The following TOP6BL variants were observed in gnomAD, a reference collection of about 807,000 sequenced individuals.
The protein encoded by TOP6BL is TOP6B like initiator of meiotic double strand breaks, also known as type 2 DNA topoisomerase 6 subunit B-like.
At chr11:66,771,930 G>C in the TOP6BL span, among the ~76,000 whole-genome samples, 16 of 152,230 alleles carry the variant, frequency 1.1e-4, no homozygotes, top group East Asian at 2.3e-3. Flanking sequence ...AACTTTTAAG[G>C]CTTATTATTT....
At chr11:66,760,915 C>T in the TOP6BL span, among the ~76,000 whole-genome samples, 7 of 151,046 alleles carry the variant, frequency 4.6e-5, no homozygotes, top group African/African-American at 9.7e-5. Flanking sequence ...AAATTTTCTT[C>T]GTGCTTTGTA....
At chr11:66,843,440 C>T in the TOP6BL span, 10 of 1,388,812 alleles carry the variant, frequency 7.2e-6, no homozygotes, top group Admixed American at 3.7e-5. Context: ...TGGTGCGCGC[C>T]GCGGGTCAGG....
At chr11:66,813,535 C>G in the TOP6BL span, among the ~76,000 whole-genome samples, 5 of 152,098 alleles carry the variant, frequency 3.3e-5, no homozygotes, top group African/African-American at 1.2e-4. Flanking sequence ...GAGATCGAGA[C>G]CATCCTGGCC....
the TOP6BL span, among the ~76,000 whole-genome samples, chr11:66,798,514 C>T: frequency 2.7e-5 from 4 of 148,300 alleles, no homozygotes; most frequent in Non-Finnish European, 5.9e-5. Flanking sequence ...GCAGGAGAAT[C>T]GCTTGAACCC....
chr11:66,841,110 A>ATTTTTTTT, the TOP6BL span, among the ~76,000 whole-genome samples: 3 of 84,628 alleles, frequency 3.5e-5, no homozygotes, highest in Non-Finnish European at 4.5e-5. Context: ...GAGGCCTCTC[A>ATTTTTTTT]TTTTTTTTTT....
At chr11:66,757,656 G>A in the TOP6BL span, among the ~76,000 whole-genome samples, 1 of 152,014 alleles carries the variant, frequency 6.6e-6, no homozygotes, top group African/African-American at 2.4e-5. Flanking sequence ...GTGCAATCTC[G>A]GCTTACTGCA....
At chr11:66,829,464 A>G in the TOP6BL span, among the ~76,000 whole-genome samples, 2 of 152,040 alleles carry the variant, frequency 1.3e-5, no homozygotes, top group African/African-American at 4.8e-5. Context: ...AATCCCAGCT[A>G]CTTAGGAGGC....
At chr11:66,822,596 G>A in the TOP6BL span, 1 of 1,552,784 alleles carries the variant, frequency 6.4e-7, no homozygotes, top group Non-Finnish European at 8.7e-7. Context: ...CACTCTCAGT[G>A]GCTGTGAACT....
At chr11:66,744,859 G>T in the TOP6BL span, 1 of 1,312,726 alleles carries the variant, frequency 7.6e-7, no homozygotes, top group South Asian at 2.6e-5. Context: ...GGTACCCTTC[G>T]ACTGGGCGTT....
chr11:66,841,417 A>G, the TOP6BL span, among the ~76,000 whole-genome samples: 3 of 152,274 alleles, frequency 2.0e-5, no homozygotes, highest in African/African-American at 7.2e-5. Context: ...CGCCCGGCCA[A>G]GAGGCCTCTC....
At chr11:66,785,589 C>T in the TOP6BL span, among the ~76,000 whole-genome samples, 1 of 151,922 alleles carries the variant, frequency 6.6e-6, no homozygotes, top group Non-Finnish European at 1.5e-5. Flanking sequence ...ATGATGTATA[C>T]CTAGGATTAA....
the TOP6BL span, among the ~76,000 whole-genome samples, chr11:66,780,967 C>G: frequency 6.6e-6 from 1 of 152,138 alleles, no homozygotes; most frequent in Non-Finnish European, 1.5e-5. Flanking sequence ...CCTCTGGCTT[C>G]TTTCAATATT....
the TOP6BL span, among the ~76,000 whole-genome samples, chr11:66,819,091 TC>T: frequency 1.3e-5 from 2 of 152,172 alleles, no homozygotes; most frequent in Admixed American, 6.5e-5. Flanking sequence ...TACCTTCTCT[TC>T]CCCCTTTTCT....
chr11:66,751,823 A>G, the TOP6BL span, among the ~76,000 whole-genome samples: 1 of 152,134 alleles, frequency 6.6e-6, no homozygotes, highest in African/African-American at 2.4e-5. Flanking sequence ...GCCATATAGA[A>G]AACTATGATT....
chr11:66,762,209 G>A, the TOP6BL span: 1 of 665,576 alleles, frequency 1.5e-6, no homozygotes, highest in Non-Finnish European at 2.7e-6. Flanking sequence ...CACAGCCGGA[G>A]GTGCAGGGCC....
chr11:66,768,373 G>A, the TOP6BL span, among the ~76,000 whole-genome samples: 1 of 152,036 alleles, frequency 6.6e-6, no homozygotes, highest in East Asian at 1.9e-4. Flanking sequence ...TCCCCCGGGA[G>A]CTCATTTTGT....
At chr11:66,755,261 C>T in the TOP6BL span, among the ~76,000 whole-genome samples, 1 of 152,088 alleles carries the variant, frequency 6.6e-6, no homozygotes, top group Non-Finnish European at 1.5e-5. Flanking sequence ...GCTGGGCCTA[C>T]AGGTGTGTGC....
the TOP6BL span, among the ~76,000 whole-genome samples, chr11:66,801,874 GTGGTAAACAATA>G: frequency 6.6e-6 from 1 of 152,098 alleles, no homozygotes; most frequent in South Asian, 2.1e-4. Flanking sequence ...CATGGAGGAG[GTGGTAAACAATA>G]TGGAACACAC....
chr11:66,830,427 T>C, the TOP6BL span, among the ~76,000 whole-genome samples: 1 of 152,144 alleles, frequency 6.6e-6, no homozygotes, highest in Non-Finnish European at 1.5e-5. Flanking sequence ...GGAAAATGCC[T>C]GTGTTAGAAA....
Sources: gnomAD v4.1 joint callset for allele counts (sites outside exome capture counted in the v4.1 genomes callset) on GRCh38, gnomAD v4.1.1 for gene constraint, MANE v1.5 for transcripts, NCBI Gene and HGNC (gene_info 2026-07-23, HGNC 2026-07-21) for gene names.